The following ZSCAN4 variants were observed in gnomAD, a reference collection of about 807,000 sequenced individuals.
ZSCAN4 encodes the protein zinc finger and SCAN domain-containing protein 4.
A neutral mutation model predicts 18.3 loss-of-function variants in ZSCAN4; 18 were observed. The observed-to-expected ratio is 0.98, with a 90% CI of 0.68 to 1.46. The LOEUF (loss-of-function observed/expected upper bound fraction) is 1.46. ZSCAN4 is among the 40% of genes most tolerant of loss of function. The pLI is 0.00. For missense variants in ZSCAN4, 498 were observed against 511.4 expected (o/e 0.97, Z 0.25); for synonymous variants, 193 against 180.3 (o/e 1.07, Z -0.57).
the ZSCAN4 span, among the ~76,000 whole-genome samples, chr19:57,656,248 G>A: frequency 0.041 from 6,274 of 152,190 alleles, 300 homozygotes; most frequent in African/African-American, 0.12. Context: ...TCAGCAGCCT[G>A]GCAGGTGGCC....
At chr19:57,655,173 A>T in the ZSCAN4 span, among the ~76,000 whole-genome samples, 2 of 152,152 alleles carry the variant, frequency 1.3e-5, no homozygotes, top group Admixed American at 1.3e-4. Flanking sequence ...TCATACAAAG[A>T]ACCTCCTTTC....
At chr19:57,654,280 T>C in the ZSCAN4 span, among the ~76,000 whole-genome samples, 1 of 152,020 alleles carries the variant, frequency 6.6e-6, no homozygotes, top group Admixed American at 6.5e-5. Context: ...TCCATAGAAT[T>C]TACCCCCTGT....
At chr19:57,656,913 G>C in the ZSCAN4 span, among the ~76,000 whole-genome samples, 3 of 152,028 alleles carry the variant, frequency 2.0e-5, no homozygotes, top group Non-Finnish European at 1.5e-5. Flanking sequence ...CTGATTCCAG[G>C]GAGGTCGAAG....
At chr19:57,668,464 A>T (rs1209016104), upstream of ZSCAN4, among the ~76,000 whole-genome samples, 2 of 152,184 alleles carry the variant, frequency 1.3e-5, no homozygotes, top group Admixed American at 1.3e-4. Flanking sequence ...ACATTTCATC[A>T]GTGGAGTACC....
At chr19:57,667,359 A>C (rs1983883394), upstream of ZSCAN4, among the ~76,000 whole-genome samples, 1 of 152,134 alleles carries the variant, frequency 6.6e-6, no homozygotes, top group Non-Finnish European at 1.5e-5. Context: ...TTAATGTAGC[A>C]TTCAGAGTCC....
At chr19:57,677,725 A>G (rs906515016) in intron 3 of ZSCAN4, among the ~76,000 whole-genome samples, 189 bp from the exon 4 acceptor site, 1 of 152,348 alleles carries the variant, frequency 6.6e-6, no homozygotes, top group East Asian at 1.9e-4. Flanking sequence ...TGTAAATTCA[A>G]TGTCCATGTG....
chr19:57,677,107 A>G (rs1984210074), intron 3 of ZSCAN4, among the ~76,000 whole-genome samples: 1 of 152,232 alleles, frequency 6.6e-6, no homozygotes, highest in Admixed American at 6.5e-5. Context: ...AAGGTTGAGG[A>G]AGAAATGTCT....
At chr19:57,665,991 A>C (rs1183506870), upstream of ZSCAN4, among the ~76,000 whole-genome samples, 1 of 152,226 alleles carries the variant, frequency 6.6e-6, no homozygotes, top group African/African-American at 2.4e-5. Context: ...CAATTTTTTA[A>C]TTTGAGAAAG....
the ZSCAN4 span, among the ~76,000 whole-genome samples, chr19:57,653,244 G>A: frequency 1.3e-4 from 20 of 152,062 alleles, no homozygotes; most frequent in South Asian, 4.2e-4. Flanking sequence ...AAAATTAGCC[G>A]GGCATGGTGG....
the ZSCAN4 span, among the ~76,000 whole-genome samples, chr19:57,659,844 T>C: frequency 6.6e-6 from 1 of 152,216 alleles, no homozygotes; most frequent in Non-Finnish European, 1.5e-5. Context: ...ATTTTTACTT[T>C]TTCATTTTTT....
Position 57,669,739 on chromosome 19 carries a change from T to G in ZSCAN4, c.-428-506T>G, listed in dbSNP as rs866459824. ...TTTTTGTTCGTTTTGTTTTGTTTTTTTTTTAGAGACTTGGTCTCCTTCCAT... is the reference window on the plus strand; with the variant it reads ...TTTTTGTTCGTTTTGTTTTGTTTTTGTTTTAGAGACTTGGTCTCCTTCCAT... On this transcript the variant is annotated intron_variant, in intron 1 of 4. Coordinates refer to ENST00000318203, the Ensembl canonical transcript of ZSCAN4. Among the ~76,000 whole-genome samples, 1,003 of 152,118 alleles carry G rather than the reference T, an allele frequency of 6.6e-3. 14 individuals carry two copies. The highest frequency in any genetic ancestry group is 0.023 in the African/African-American group (969 of 41,482).
chr19:57,657,021 G>A, the ZSCAN4 span, among the ~76,000 whole-genome samples: 2 of 151,624 alleles, frequency 1.3e-5, no homozygotes, highest in African/African-American at 4.9e-5. Context: ...TGAGGAAGGC[G>A]GATCACTTGA....
intron 2 of ZSCAN4, among the ~76,000 whole-genome samples, chr19:57,675,392 C>A (rs535347266): frequency 6.6e-6 from 1 of 152,082 alleles, no homozygotes; most frequent in Non-Finnish European, 1.5e-5. Flanking sequence ...AGGTGATCCA[C>A]CTGCCTCAGC....
the ZSCAN4 span, among the ~76,000 whole-genome samples, chr19:57,659,433 C>A: frequency 1.3e-5 from 2 of 152,076 alleles, no homozygotes; most frequent in Non-Finnish European, 2.9e-5. Context: ...GTTGTCCAGG[C>A]TGGAGTTCAG....
At chr19:57,676,525 T>C (rs774576527) in exon 3 of ZSCAN4, 40 of 1,613,424 alleles carry the variant, frequency 2.5e-5, no homozygotes, top group Non-Finnish European at 3.4e-5. Flanking sequence ...GATGACAGCA[T>C]AAATCCACCT....
chr19:57,669,898 T>C (rs376822763), intron 1 of ZSCAN4, among the ~76,000 whole-genome samples: 2 of 152,020 alleles, frequency 1.3e-5, no homozygotes, highest in African/African-American at 2.4e-5. Flanking sequence ...GACAGGGTCT[T>C]GCTTTGTTGC....
chr19:57,667,818 C>T (rs1269832868), upstream of ZSCAN4, among the ~76,000 whole-genome samples: 1 of 152,196 alleles, frequency 6.6e-6, no homozygotes, highest in Non-Finnish European at 1.5e-5. Flanking sequence ...ATGCTTTCAA[C>T]CCACCACAAA....
At chr19:57,676,992 G>A (rs1228144198) in intron 3 of ZSCAN4, among the ~76,000 whole-genome samples, 4 of 152,022 alleles carry the variant, frequency 2.6e-5, no homozygotes, top group South Asian at 4.1e-4. Flanking sequence ...TTGGCCAGGC[G>A]GTCTCGAACT....
At chr19:57,677,892 A>C (rs1348613441) in intron 3 of ZSCAN4, 22 bp from the exon 4 acceptor site, 5 of 1,515,702 alleles carry the variant, frequency 3.3e-6, no homozygotes, top group Non-Finnish European at 4.4e-6. Flanking sequence ...CAGATACAAC[A>C]GTGATCTGGC....
Sources: gnomAD v4.1 joint callset for allele counts (sites outside exome capture counted in the v4.1 genomes callset) on GRCh38, gnomAD v4.1.1 for gene constraint, MANE v1.5 for transcripts, NCBI Gene and HGNC (gene_info 2026-07-23, HGNC 2026-07-21) for gene names.